TUBB6: variants seen among roughly 807,000 people sequenced by gnomAD.
The protein encoded by TUBB6 is tubulin beta 6 class V, also known as tubulin beta-6 chain.
In TUBB6, 18 loss-of-function variants were observed where a neutral mutation model predicts 32.3. The observed-to-expected ratio is 0.56, with a 90% CI of 0.39 to 0.83. The LOEUF is 0.83. TUBB6 is among the 40% of genes least tolerant of loss of function. The pLI, the probability that TUBB6 is intolerant of heterozygous loss-of-function variation, is 0.00. For synonymous variants in TUBB6, 280 were observed against 265.8 expected (o/e 1.05, Z -0.52); for missense variants, 480 against 632.0 (o/e 0.76, Z 2.58).
At chr18:12,314,595 C>A (rs1207003858) in intron 3 of TUBB6, among the ~76,000 whole-genome samples, 1 of 152,038 alleles carries the variant, frequency 6.6e-6, no homozygotes. Flanking sequence ...GGAGTCCTTC[C>A]TGAGATTGGG....
chr18:12,313,359 C>T (rs1906496959), intron 3 of TUBB6, among the ~76,000 whole-genome samples: 1 of 152,214 alleles, frequency 6.6e-6, no homozygotes, highest in South Asian at 2.1e-4. Context: ...ATGACTAGCA[C>T]TTACAAGACT....
chr18:12,314,240 C>G (rs1254521566), intron 3 of TUBB6, among the ~76,000 whole-genome samples: 2 of 151,930 alleles, frequency 1.3e-5, no homozygotes, highest in Non-Finnish European at 2.9e-5. Context: ...GAAGGACCCC[C>G]CCCAAGCATC....
downstream of TUBB6, among the ~76,000 whole-genome samples, chr18:12,327,465 G>A (rs1052825895): frequency 3.9e-5 from 6 of 152,198 alleles, no homozygotes; most frequent in African/African-American, 1.2e-4. Flanking sequence ...CCCAGCCTTG[G>A]GCAGATGGAA....
At chr18:12,322,677 A>G (rs909580627) in intron 3 of TUBB6, among the ~76,000 whole-genome samples, 4 of 152,238 alleles carry the variant, frequency 2.6e-5, no homozygotes, top group Non-Finnish European at 5.9e-5. Context: ...CCATTTACAT[A>G]TATCTGTGGA....
At chr18:12,308,992 G>A (rs1408404802) in intron 2 of TUBB6, among the ~76,000 whole-genome samples, 197 bp downstream of exon 2, 2 of 152,216 alleles carry the variant, frequency 1.3e-5, no homozygotes, top group African/African-American at 4.8e-5. Context: ...CTATCCTGAG[G>A]GTCTGAGCGC....
rs527655284 is a variant in TUBB6 at position 12,320,306 on chromosome 18, CAT to C, written c.278-4759_278-4758del. On this transcript the variant is annotated intron_variant, in intron 3 of 3. Transcript: ENST00000317702. ...AAAATAAATGTTTTAGTTAAAATGT[CAT>C]AAAGCTAGAAATGAACTCTCTTAGG... Among the ~76,000 whole-genome samples, 712 of 152,216 alleles carry C rather than the reference CAT, an allele frequency of 4.7e-3. 3 individuals carry two copies. Among genetic ancestry groups the C allele is most frequent in the South Asian group, 8.9e-3 (43 of 4,816 alleles).
intron 3 of TUBB6, among the ~76,000 whole-genome samples, chr18:12,312,476 C>T (rs1455571080): frequency 6.6e-6 from 1 of 152,118 alleles, no homozygotes; most frequent in Non-Finnish European, 1.5e-5. Flanking sequence ...TTAATTTCCT[C>T]ATCACAAGTG....
chr18:12,323,210 G>T (rs1255113811), intron 3 of TUBB6, among the ~76,000 whole-genome samples: 3 of 152,064 alleles, frequency 2.0e-5, no homozygotes, highest in African/African-American at 7.2e-5. Context: ...GCGAGACCTT[G>T]TCTCTAAATA....
chr18:12,316,052 C>G (rs930030066), intron 3 of TUBB6, among the ~76,000 whole-genome samples: 3 of 152,270 alleles, frequency 2.0e-5, no homozygotes, highest in African/African-American at 7.2e-5. Context: ...CAGTCTGCCC[C>G]AGGCCTGGCA....
chr18:12,327,860 C>T (rs889565301), downstream of TUBB6, among the ~76,000 whole-genome samples: 3 of 152,236 alleles, frequency 2.0e-5, no homozygotes, highest in African/African-American at 7.2e-5. Context: ...CAGCCAAGGC[C>T]TGTGAGAGGG....
At chr18:12,322,104 C>T (rs968854858) in intron 3 of TUBB6, among the ~76,000 whole-genome samples, 21 of 151,928 alleles carry the variant, frequency 1.4e-4, no homozygotes, top group African/African-American at 4.6e-4. Context: ...AGTTCAAGAC[C>T]AGCCTGGCCA....
rs765335329 is a variant in TUBB6 at position 12,325,492 on chromosome 18, G to A, written c.703G>A (p.Gly235Arg). The change falls in exon 4 of 4, where the codon GGG becomes AGG. Residue 235 changes from glycine to arginine, a missense_variant. Physicochemically the swap from Gly to Arg is moderately radical, Grantham distance 125. Transcript: ENST00000317702. Reference protein sequence around the residue: ...LNHLVSATMSGVTTSLRFPGQ... With the variant: ...LNHLVSATMSRVTTSLRFPGQ... ...CCACCTGGTGTCCGCCACCATGAGT[G>A]GGGTCACCACCTCGCTGCGCTTCCC... 3 of 1,614,104 alleles carry A rather than the reference G, an allele frequency of 1.9e-6. No individual in the cohort carries two copies. The highest frequency in any genetic ancestry group is 1.7e-6 in the Non-Finnish European group (2 of 1,180,048).
intron 3 of TUBB6, among the ~76,000 whole-genome samples, chr18:12,321,713 A>G (rs773699791): frequency 6.6e-6 from 1 of 152,230 alleles, no homozygotes; most frequent in African/African-American, 2.4e-5. Context: ...GTATAATGCA[A>G]TGCAAGTTTT....
Position 12,325,078 on chromosome 18 carries a change from G to A in TUBB6, c.289G>A (p.Ala97Thr), listed in dbSNP as rs748814632. 4 of 1,572,558 alleles carry A rather than the reference G, an allele frequency of 2.5e-6. No homozygotes were observed. The Admixed American group carries it at 5.2e-5, about 20-fold the overall frequency. ...PDNFIFGQTG[A>T]GNNWAKGHYT... ...TCTCTTTGTTGCAGGCCAGACGGGT[G>A]CAGGGAACAACTGGGCGAAAGGGCA... Residue 97 changes from alanine (A) to threonine (T), a missense_variant, in exon 4 of 4, where the codon GCA (alanine) becomes ACA (threonine). Ala to Thr is a moderately conservative substitution (Grantham distance 58). Coordinates refer to ENST00000317702, the MANE Select transcript of TUBB6 (RefSeq NM_032525.3).
Position 12,326,317 on chromosome 18 carries a change from G to C in TUBB6, c.*187G>C, listed in dbSNP as rs1907328101. On this transcript the variant is annotated 3_prime_UTR_variant, in exon 4 of 4. Coordinates refer to ENST00000317702, the MANE Select transcript of TUBB6 (RefSeq NM_032525.3). ...AGACTAAAAACAGCAGAGAATTGCG[G>C]GTTCTACCCAGTCAGAAGATCACAC... The C allele has an allele frequency of 2.2e-6, 2 of 892,296 alleles. No individual in the cohort carries two copies. The highest frequency in any genetic ancestry group is 3.4e-5 in the African/African-American group (2 of 59,378). 55.3% of individuals were successfully genotyped at this position (892,296 alleles called of 1,614,324 possible).
intron 3 of TUBB6, among the ~76,000 whole-genome samples, chr18:12,321,058 G>C (rs1384607306): frequency 6.6e-6 from 1 of 152,094 alleles, no homozygotes; most frequent in Non-Finnish European, 1.5e-5. Flanking sequence ...TTATGAGAAG[G>C]GTTTAGCATT....
chr18:12,312,764 C>G (rs1004946468), intron 3 of TUBB6, among the ~76,000 whole-genome samples: 1 of 151,960 alleles, frequency 6.6e-6, no homozygotes, highest in Non-Finnish European at 1.5e-5. Context: ...CTTTGGGAGG[C>G]CAAGGCGGGC....
intron 2 of TUBB6, 39 bp downstream of exon 2, chr18:12,308,834 C>G (rs375569789): frequency 1.3e-4 from 175 of 1,362,822 alleles, no homozygotes; most frequent in Non-Finnish European, 1.7e-4. Context: ...CGGCCGGGAC[C>G]CGCGTGGACG....
chr18:12,309,958 C>T (rs1906269314), intron 2 of TUBB6, among the ~76,000 whole-genome samples: 2 of 132,394 alleles, frequency 1.5e-5, no homozygotes, highest in South Asian at 5.6e-4. Context: ...CAGAGAATTT[C>T]ATCCAAACCT....
Sources: gnomAD v4.1 joint callset for allele counts (sites outside exome capture counted in the v4.1 genomes callset) on GRCh38, gnomAD v4.1.1 for gene constraint, MANE v1.5 for transcripts, NCBI Gene and HGNC (gene_info 2026-07-23, HGNC 2026-07-21) for gene names.